FMN2: variants seen among roughly 807,000 people sequenced by gnomAD.
The protein encoded by FMN2 is formin-2.
Under a neutral mutation model 142.3 loss-of-function variants are expected in FMN2, and 51 were observed. That is an observed-to-expected ratio of 0.36 (90% CI 0.29 to 0.45). The LOEUF (loss-of-function observed/expected upper bound fraction) is 0.45, where lower values mean the gene tolerates loss of function less well. FMN2 is among the 20% of genes least tolerant of loss of function. FMN2 has a pLI of 1.00. For missense variants in FMN2, 1,936 were observed against 2,122.8 expected (o/e 0.91, Z 1.73); for synonymous variants, 882 against 869.8 (o/e 1.01, Z -0.25).
At chr1:240,219,962 G>A (rs1274805616) in intron 6 of FMN2, among the ~76,000 whole-genome samples, 1 of 152,072 alleles carries the variant, frequency 6.6e-6, no homozygotes, top group African/African-American at 2.4e-5. Flanking sequence ...CCCAGACAAC[G>A]AAATGGAAGA....
chr1:240,239,568 T>G (rs1160508), intron 6 of FMN2, among the ~76,000 whole-genome samples: 99,705 of 152,130 alleles, frequency 0.66, 33,217 homozygotes, highest in African/African-American at 0.72. Flanking sequence ...TTGTAGACTT[T>G]CAAGGAAGCT....
intron 4 of FMN2, among the ~76,000 whole-genome samples, chr1:240,190,674 A>C (rs1419720478): frequency 6.6e-6 from 1 of 152,208 alleles, no homozygotes. Flanking sequence ...TTTTATACTT[A>C]TACTATGATA....
At chr1:240,161,753 T>C (rs10926152) in intron 2 of FMN2, among the ~76,000 whole-genome samples, 40,146 of 151,764 alleles carry the variant, frequency 0.26, 5,375 homozygotes, top group Middle Eastern at 0.35. Context: ...TGAGATGGGG[T>C]CAACTGGGTA....
In FMN2 at chr1:240,136,899, T is replaced by C. The variant is rs189005222; in HGVS notation, c.1782+13554T>C. Reference sequence around the variant, plus strand: ...CAGCCTGACCCACATGGTGAAACCCTGTCTCTACTACAAATACAAAAATTA... The same window carrying C: ...CAGCCTGACCCACATGGTGAAACCCCGTCTCTACTACAAATACAAAAATTA... On this transcript the variant is annotated intron_variant, in intron 2 of 17. Coordinates refer to ENST00000319653, the MANE Select transcript of FMN2 (RefSeq NM_020066.5). Among the ~76,000 whole-genome samples the C allele has an allele frequency of 8.5e-3, 1,298 of 151,964 alleles. 19 individuals carry two copies. Among genetic ancestry groups the C allele is most frequent in the African/African-American group, 0.029 (1,201 of 41,440 alleles).
At chr1:240,208,850 C>G in intron 5 of FMN2, 118 bp downstream of exon 5, 4 of 1,332,684 alleles carry the variant, frequency 3.0e-6, no homozygotes, top group Non-Finnish European at 4.1e-6. Context: ...TAAAACTCGT[C>G]TAGATTTTTA....
At chr1:240,383,567 G>A (rs1673300144) in intron 14 of FMN2, among the ~76,000 whole-genome samples, 1 of 152,096 alleles carries the variant, frequency 6.6e-6, no homozygotes, top group South Asian at 2.1e-4. Flanking sequence ...AGTTAGAATG[G>A]CTATTATTAG....
chr1:240,347,833 G>T (rs1458029529), intron 13 of FMN2, among the ~76,000 whole-genome samples: 3 of 152,120 alleles, frequency 2.0e-5, no homozygotes, highest in African/African-American at 7.2e-5. Context: ...TAGGATAATG[G>T]CCTCTAGCTG....
At chr1:240,159,974 T>TATATATAC (rs1202421069) in intron 2 of FMN2, among the ~76,000 whole-genome samples, 1 of 134,082 alleles carries the variant, frequency 7.5e-6, no homozygotes, top group African/African-American at 2.8e-5. Flanking sequence ...TATATATATA[T>TATATATAC]ACACACACAC....
intron 5 of FMN2, among the ~76,000 whole-genome samples, chr1:240,210,461 C>G (rs1167115952): frequency 2.0e-5 from 3 of 152,138 alleles, no homozygotes; most frequent in Non-Finnish European, 2.9e-5. Context: ...TTTAATTTTT[C>G]AGTTCATCTT....
chr1:240,109,382 G>A (rs1661724536), intron 1 of FMN2, among the ~76,000 whole-genome samples: 1 of 152,180 alleles, frequency 6.6e-6, no homozygotes. Flanking sequence ...TCTTTGGAAT[G>A]AGTAAAACCA....
At chr1:240,287,309 A>C (rs1252171049) in intron 7 of FMN2, among the ~76,000 whole-genome samples, 1 of 152,174 alleles carries the variant, frequency 6.6e-6, no homozygotes, top group African/African-American at 2.4e-5. Flanking sequence ...GTGTCTGCTC[A>C]AACAAAGGTC....
chr1:240,296,740 T>C (rs934450733), intron 8 of FMN2, among the ~76,000 whole-genome samples: 2 of 151,844 alleles, frequency 1.3e-5, no homozygotes, highest in African/African-American at 4.8e-5. Context: ...TAAGACAAAA[T>C]ATGTCTCATG....
intron 6 of FMN2, among the ~76,000 whole-genome samples, chr1:240,243,012 A>G (rs1558389322): frequency 6.6e-6 from 1 of 152,066 alleles, no homozygotes; most frequent in Non-Finnish European, 1.5e-5. Context: ...AGTGCCTTGG[A>G]ATGCTGTTGG....
chr1:240,296,438 C>CTTTTTTTGTTTT (rs1669986596), intron 8 of FMN2, among the ~76,000 whole-genome samples: 1 of 46,908 alleles, frequency 2.1e-5, no homozygotes, highest in African/African-American at 9.9e-5. Context: ...TCTTTGAGTG[C>CTTTTTTTGTTTT]TTTTTTTTTT....
At chr1:240,282,832 C>T (rs972285704) in intron 7 of FMN2, among the ~76,000 whole-genome samples, 2 of 152,194 alleles carry the variant, frequency 1.3e-5, no homozygotes, top group African/African-American at 4.8e-5. Flanking sequence ...TGGATATGCT[C>T]ACGTAACTAA....
intron 14 of FMN2, among the ~76,000 whole-genome samples, chr1:240,385,338 G>T (rs941117064): frequency 4.6e-5 from 7 of 152,106 alleles, no homozygotes; most frequent in African/African-American, 1.7e-4. Flanking sequence ...TTTTATTTAA[G>T]TTCAGCCTGG....
intron 15 of FMN2, among the ~76,000 whole-genome samples, chr1:240,434,326 C>G (rs535347430): frequency 1.3e-5 from 2 of 152,182 alleles, no homozygotes; most frequent in African/African-American, 4.8e-5. Context: ...CTCCAGATTT[C>G]AGATTTAAAA....
chr1:240,334,053 C>A lies in FMN2; in HGVS notation c.4645-56C>A, dbSNP rs1432210130. The A allele has an allele frequency of 2.5e-6, 4 of 1,568,876 alleles. No individual in the cohort carries two copies. The South Asian group carries it at 3.6e-5, about 14-fold the overall frequency. On this transcript the variant is annotated intron_variant, in intron 12 of 17. Transcript: ENST00000319653. ...TGTTTTGGACATACCTGCTATTATT[C>A]TTTTTTATATTGATAACCAATTTCT...
chr1:240,264,399 T>G (rs1282020296), intron 7 of FMN2, among the ~76,000 whole-genome samples: 1 of 152,214 alleles, frequency 6.6e-6, no homozygotes, highest in Non-Finnish European at 1.5e-5. Flanking sequence ...TTTTTTATTA[T>G]ACTTTAAGTT....
Sources: allele counts gnomAD v4.1 joint callset (sites outside exome capture counted in the v4.1 genomes callset), GRCh38; gene constraint gnomAD v4.1.1; transcripts MANE v1.5; gene names NCBI Gene and HGNC (gene_info 2026-07-23, HGNC 2026-07-21).